The following NPHS2 variants were observed in gnomAD, a reference collection of about 807,000 sequenced individuals.
The protein encoded by NPHS2 is NPHS2 stomatin family member, podocin.
A neutral mutation model predicts 37.1 loss-of-function variants in NPHS2; 36 were observed. That is an observed-to-expected ratio of 0.97 (90% CI 0.74 to 1.28). NPHS2 has a LOEUF of 1.28. NPHS2 is among the 50% of genes most tolerant of loss of function. The pLI, the probability that NPHS2 is intolerant of heterozygous loss-of-function variation, is 0.00. For synonymous variants in NPHS2, 196 were observed against 189.3 expected (o/e 1.04, Z -0.29); for missense variants, 447 against 488.1 (o/e 0.92, Z 0.79).
intron 1 of NPHS2, among the ~76,000 whole-genome samples, chr1:179,569,466 G>A (rs1490501066): frequency 2.0e-5 from 3 of 152,128 alleles, no homozygotes; most frequent in Admixed American, 2.0e-4. Context: ...TCTGAATACA[G>A]CACACCGATG....
chr1:179,557,137 C>T lies in NPHS2; in HGVS notation c.628G>A (p.Val210Ile). The T allele has an allele frequency of 1.9e-6, 3 of 1,614,026 alleles. No individual in the cohort carries two copies. The highest frequency in any genetic ancestry group is 2.5e-6 in the Non-Finnish European group (3 of 1,179,942). ...ACAAGGAATTGCACAGCTTTAGATA[C>T]ATGAGCAAGACTGCTTAGGAGAAGA... ...ASLLLSSLAH[V>I]SKAVQFLVQT... The change falls in exon 5 of 8, where the codon GTA becomes ATA. Residue 210 changes from valine (V) to isoleucine (I), a missense_variant. Coordinates refer to ENST00000367615, the MANE Select transcript of NPHS2 (RefSeq NM_014625.4).
chr1:179,566,226 T>C (rs199802737), intron 1 of NPHS2, among the ~76,000 whole-genome samples: 6,725 of 87,062 alleles, frequency 0.077, no homozygotes, highest in African/African-American at 0.12. Context: ...CTCTCTAGCA[T>C]CTGTTGTTTC....
In NPHS2 at chr1:179,550,652, T is replaced by G; in HGVS notation, c.*521A>C. 1 of 169,726 alleles carries G rather than the reference T, an allele frequency of 5.9e-6. No individual in the cohort carries two copies. Among genetic ancestry groups the G allele is most frequent in the East Asian group, 1.5e-4 (1 of 6,694 alleles). 10.5% of individuals were successfully genotyped at this position (169,726 alleles called of 1,614,324 possible). A position where few individuals can be genotyped will look rare whatever the true frequency, so the allele number is the denominator to read the frequency against. On this transcript the variant is annotated 3_prime_UTR_variant, in exon 8 of 8. Coordinates refer to ENST00000367615, the MANE Select transcript of NPHS2 (RefSeq NM_014625.4). ...TGTCACTTTAGGTAACTATCAGGGT[T>G]AGGTGTGAGGAATTCAGGGTGGAGC... is the stretch of plus-strand genomic sequence containing the variant.
chr1:179,559,412 CT>C (rs1302818192), intron 4 of NPHS2, among the ~76,000 whole-genome samples: 2 of 152,084 alleles, frequency 1.3e-5, no homozygotes, highest in Non-Finnish European at 2.9e-5. Context: ...AGGTTGTTTA[CT>C]TTTTTTGTTG....
chr1:179,552,728 G>T, intron 6 of NPHS2, 47 bp from the exon 7 acceptor site: 1 of 1,457,746 alleles, frequency 6.9e-7, no homozygotes, highest in Non-Finnish European at 9.6e-7. Flanking sequence ...CCATGATTTA[G>T]GGGCCAAAGC....
chr1:179,568,327 T>C (rs1440235170), intron 1 of NPHS2, among the ~76,000 whole-genome samples: 1 of 152,254 alleles, frequency 6.6e-6, no homozygotes, highest in Non-Finnish European at 1.5e-5. Flanking sequence ...CTAGATTTTC[T>C]ACTTTATTTG....
At position 179,557,211 on chromosome 1, in the gene NPHS2, A is replaced by C. The variant is rs1356069709; in HGVS notation, c.554T>G (p.Phe185Cys). ...PFHEIVTKDMFIMEIDAICYY... is the reference protein window; with the variant it reads ...PFHEIVTKDMCIMEIDAICYY... ...GCAAATGGCATCTATCTCCATTATA[A>C]ACATGTCTTTGGTCACGATCTAGGC... Residue 185 changes from phenylalanine (F) to cysteine (C), a missense_variant, in exon 5 of 8, where the codon TTT becomes TGT. Transcript: ENST00000367615. 1.2e-6 allele frequency: 2 copies of C among 1,613,858 alleles called. No individual in the cohort carries two copies. The highest frequency in any genetic ancestry group is 2.7e-5 in the African/African-American group (2 of 74,886).
intron 3 of NPHS2, among the ~76,000 whole-genome samples, chr1:179,560,450 C>T (rs1291538076): frequency 6.6e-6 from 1 of 152,204 alleles, no homozygotes; most frequent in Non-Finnish European, 1.5e-5. Flanking sequence ...ACTAGTCCTC[C>T]TCAGTGCCAA....
rs762708477 is a variant in NPHS2 at position 179,575,743 on chromosome 1, G to C, written c.122C>G (p.Ala41Gly). ...TCCGGAGCCCGACGGCTCGGGCCCA[G>C]CCTCCTGGCGCCCGCGGCCTCCGCC... ...RSGGGRGRQE[A>G]GPEPSGSGRA... The change falls in exon 1 of 8, where the codon GCT becomes GGT. Residue 41 changes from alanine (A) to glycine (G), a missense_variant. Ala to Gly is a moderately conservative substitution (Grantham distance 60, BLOSUM62 0). Transcript: ENST00000367615. 3.1e-5 allele frequency: 47 copies of C among 1,506,814 alleles called. No homozygotes were observed. Among genetic ancestry groups the C allele is most frequent in the Non-Finnish European group, 4.0e-5 (45 of 1,134,162 alleles). The allele number at this position is 1,506,814 out of a possible 1,614,324, so 93.3% of individuals were successfully genotyped here.
chr1:179,563,984 A>G (rs1265883514), intron 2 of NPHS2, among the ~76,000 whole-genome samples: 1 of 152,172 alleles, frequency 6.6e-6, no homozygotes, highest in Non-Finnish European at 1.5e-5. Context: ...ATTTCTGCCC[A>G]CTGTGGGACT....
chr1:179,552,345 C>G (rs747050106), intron 7 of NPHS2: 9 of 547,856 alleles, frequency 1.6e-5, no homozygotes, highest in South Asian at 1.2e-4. Context: ...GGAGGAGATG[C>G]CTTTAAGGAG....
chr1:179,562,221 A>AT (rs956706797), intron 2 of NPHS2, among the ~76,000 whole-genome samples: 26 of 152,348 alleles, frequency 1.7e-4, no homozygotes, highest in African/African-American at 5.0e-4. Context: ...GAGAATGTCT[A>AT]TTAGAAGAGA....
intron 6 of NPHS2, 145 bp from the exon 7 acceptor site, chr1:179,552,826 T>G: frequency 2.8e-6 from 2 of 704,982 alleles, no homozygotes; most frequent in Non-Finnish European, 5.2e-6. Flanking sequence ...CCTAGACTTC[T>G]GAGGTCAAAA....
At chr1:179,564,902 T>A (rs920546028) in intron 1 of NPHS2, 109 bp from the exon 2 acceptor site, 1 of 869,186 alleles carries the variant, frequency 1.2e-6, no homozygotes, top group Non-Finnish European at 1.9e-6. Context: ...ACTTGGAGAC[T>A]TTGCTGGAAA....
intron 2 of NPHS2, among the ~76,000 whole-genome samples, chr1:179,562,645 C>T (rs920218099): frequency 2.0e-5 from 3 of 152,160 alleles, no homozygotes; most frequent in African/African-American, 7.2e-5. Context: ...CACTGTAAGT[C>T]CTTTGAGGCT....
chr1:179,560,186 A>C (rs1334311214), intron 3 of NPHS2, among the ~76,000 whole-genome samples: 1 of 152,162 alleles, frequency 6.6e-6, no homozygotes, highest in Admixed American at 6.5e-5. Context: ...TAGAGCCAGC[A>C]ACCTCCATGT....
intron 1 of NPHS2, among the ~76,000 whole-genome samples, chr1:179,568,538 G>A (rs1052220339): frequency 6.6e-6 from 1 of 151,878 alleles, no homozygotes; most frequent in Non-Finnish European, 1.5e-5. Flanking sequence ...GTTTTTTTCT[G>A]TCTCTATCTC....
chr1:179,565,309 A>ACTG (rs1327128609), intron 1 of NPHS2, among the ~76,000 whole-genome samples: 3 of 152,084 alleles, frequency 2.0e-5, no homozygotes, highest in Non-Finnish European at 1.5e-5. Context: ...GTGGGGGTAT[A>ACTG]CTGGAACAGG....
At chr1:179,565,591 C>CT (rs1382469408) in intron 1 of NPHS2, among the ~76,000 whole-genome samples, 12 of 152,122 alleles carry the variant, frequency 7.9e-5, no homozygotes, top group Non-Finnish European at 1.6e-4. Flanking sequence ...TGTTTTTATA[C>CT]TTTAAGTTCT....
Sources: gnomAD v4.1 joint callset for allele counts (sites outside exome capture counted in the v4.1 genomes callset) on GRCh38, gnomAD v4.1.1 for gene constraint, MANE v1.5 for transcripts, NCBI Gene and HGNC (gene_info 2026-07-23, HGNC 2026-07-21) for gene names.